The following SCPEP1 variants were observed in gnomAD, a reference collection of about 807,000 sequenced individuals.
SCPEP1 encodes the protein retinoid-inducible serine carboxypeptidase.
A neutral mutation model predicts 63.8 loss-of-function variants in SCPEP1; 51 were observed. The ratio of observed to expected loss-of-function variants is 0.80; its 90% CI spans 0.64 to 1.01. The LOEUF is 1.01. Among genes scored for constraint, SCPEP1 ranks in the 50% least tolerant of loss-of-function variants. The pLI is 0.00. For synonymous variants in SCPEP1, 204 were observed against 207.8 expected, an observed-to-expected ratio of 0.98 and a Z score of 0.16; for missense variants, 499 against 554.9, an observed-to-expected ratio of 0.90 and a Z score of 1.01.
At chr17:56,986,731 G>A (rs1911232223) in intron 3 of SCPEP1, among the ~76,000 whole-genome samples, 1 of 151,660 alleles carries the variant, frequency 6.6e-6, no homozygotes, top group African/African-American at 2.4e-5. Flanking sequence ...ATTTTTAGTA[G>A]AGGTGGGATT....
intron 2 of SCPEP1, among the ~76,000 whole-genome samples, chr17:56,982,228 C>CATTTA (rs1324953367): frequency 6.6e-6 from 1 of 152,118 alleles, no homozygotes; most frequent in African/African-American, 2.4e-5. Context: ...CAGCTGGAAC[C>CATTTA]CTGGGCCCCT....
At chr17:57,001,788 G>A (rs1252249031) in intron 11 of SCPEP1, among the ~76,000 whole-genome samples, 2 of 152,182 alleles carry the variant, frequency 1.3e-5, no homozygotes, top group Non-Finnish European at 2.9e-5. Flanking sequence ...AATCAGTCAG[G>A]CTTTGCAGCT....
chr17:56,980,925 G>A (rs1336619871), intron 1 of SCPEP1, among the ~76,000 whole-genome samples, 157 bp from the exon 2 acceptor site: 1 of 151,880 alleles, frequency 6.6e-6, no homozygotes, highest in Non-Finnish European at 1.5e-5. Flanking sequence ...TTTCATAGCC[G>A]AGGTTTTTTC....
chr17:56,995,426 C>A, intron 7 of SCPEP1, 81 bp from the exon 8 acceptor site: 1 of 1,478,090 alleles, frequency 6.8e-7, no homozygotes, highest in South Asian at 1.3e-5. Context: ...CCCTCTTTCT[C>A]CTACCCCTCC....
At position 56,991,148 on chromosome 17, in the gene SCPEP1, G is replaced by A. The variant is rs2144489577; in HGVS notation, c.596G>A (p.Gly199Asp). The A allele has an allele frequency of 1.2e-6, 2 of 1,613,994 alleles. No homozygotes were observed. Among genetic ancestry groups the A allele is most frequent in the South Asian group, 1.1e-5 (1 of 91,078 alleles). ...IKCNFAGVAL[G>D]DSWISPVDSV... ...TGCAACTTTGCGGGGGTTGCCTTGG[G>A]TGATTCCTGGATCTCCCCTGTTGGT... The change falls in exon 6 of 13, where the codon GGT (glycine) becomes GAT (aspartate). Residue 199 changes from glycine (G) to aspartate (D), a missense_variant. Coordinates refer to ENST00000262288, the MANE Select transcript of SCPEP1 (RefSeq NM_021626.3).
chr17:57,003,276 C>T (rs1267633429), intron 12 of SCPEP1, among the ~76,000 whole-genome samples: 1 of 152,058 alleles, frequency 6.6e-6, no homozygotes, highest in Non-Finnish European at 1.5e-5. Context: ...CTAAGGAGTT[C>T]AGACAGTAGG....
chr17:56,996,614 G>T (rs998299555), intron 8 of SCPEP1, among the ~76,000 whole-genome samples: 2 of 151,950 alleles, frequency 1.3e-5, no homozygotes, highest in African/African-American at 4.8e-5. Context: ...CTGCCTCCTG[G>T]GTTCAAGTGA....
intron 11 of SCPEP1, among the ~76,000 whole-genome samples, chr17:57,001,575 G>A (rs928712807): frequency 1.3e-5 from 2 of 152,204 alleles, no homozygotes; most frequent in Non-Finnish European, 2.9e-5. Flanking sequence ...TGAACCAGAA[G>A]GATTGAATAT....
chr17:56,991,033 A>G, intron 5 of SCPEP1, 66 bp from the exon 6 acceptor site: 1 of 1,193,680 alleles, frequency 8.4e-7, no homozygotes, highest in Non-Finnish European at 1.3e-6. Context: ...AAGCTTCCCA[A>G]AGTGTTGGGA....
At chr17:56,989,313 C>G (rs528967026) in intron 5 of SCPEP1, among the ~76,000 whole-genome samples, 1 of 152,288 alleles carries the variant, frequency 6.6e-6, no homozygotes, top group South Asian at 2.1e-4. Flanking sequence ...TATTAGTAAG[C>G]CAAGTCCATG....
chr17:57,001,937 C>T, intron 11 of SCPEP1, 81 bp from the exon 12 acceptor site: 3 of 1,447,860 alleles, frequency 2.1e-6, no homozygotes, highest in Non-Finnish European at 2.8e-6. Flanking sequence ...GTTTGGGAAG[C>T]ACCAACTTTT....
intron 8 of SCPEP1, 120 bp downstream of exon 8, chr17:56,995,755 A>G (rs934875600): frequency 9.4e-7 from 1 of 1,069,514 alleles, no homozygotes; most frequent in Non-Finnish European, 1.3e-6. Flanking sequence ...TCTGCAAATG[A>G]TTGCATGCTG....
chr17:57,001,164 G>A (rs1244615541), intron 11 of SCPEP1, among the ~76,000 whole-genome samples, 172 bp downstream of exon 11: 1 of 152,174 alleles, frequency 6.6e-6, no homozygotes, highest in Non-Finnish European at 1.5e-5. Context: ...GTGGGGAGCT[G>A]CACGTGGCTG....
intron 12 of SCPEP1, among the ~76,000 whole-genome samples, chr17:57,003,258 A>G (rs1472390194): frequency 6.6e-6 from 1 of 152,130 alleles, no homozygotes; most frequent in African/African-American, 2.4e-5. Context: ...GGGAATTTTC[A>G]TACCACTCTA....
chr17:56,981,612 C>T (rs1162313133), intron 2 of SCPEP1, among the ~76,000 whole-genome samples: 1 of 152,048 alleles, frequency 6.6e-6, no homozygotes, highest in Non-Finnish European at 1.5e-5. Flanking sequence ...GCCAGGAGTT[C>T]GAGACCAGGC....
chr17:56,997,121 TAAA>T, intron 9 of SCPEP1, 66 bp downstream of exon 9: 10 of 726,610 alleles, frequency 1.4e-5, no homozygotes, highest in East Asian at 3.1e-5. Context: ...ACCTGTTTAT[TAAA>T]AAAAAAAAAA....
chr17:56,981,047 C>T, intron 1 of SCPEP1, 35 bp from the exon 2 acceptor site: 1 of 1,612,700 alleles, frequency 6.2e-7, no homozygotes, highest in Non-Finnish European at 8.5e-7. Flanking sequence ...ACATTAGGCA[C>T]TCTTCTGGAG....
intron 12 of SCPEP1, 90 bp from the exon 13 acceptor site, chr17:57,006,083 C>A: frequency 9.4e-7 from 1 of 1,060,896 alleles, no homozygotes; most frequent in Non-Finnish European, 1.4e-6. Flanking sequence ...AGCTGGCTCC[C>A]TTTTGGGAGC....
At chr17:56,982,499 G>T (rs1277521586) in intron 2 of SCPEP1, among the ~76,000 whole-genome samples, 5 of 152,196 alleles carry the variant, frequency 3.3e-5, no homozygotes, top group Non-Finnish European at 7.3e-5. Flanking sequence ...TGCAGAAAAA[G>T]AACCCTTGTA....
Sources: gnomAD v4.1 joint callset for allele counts (sites outside exome capture counted in the v4.1 genomes callset) on GRCh38, gnomAD v4.1.1 for gene constraint, MANE v1.5 for transcripts, NCBI Gene and HGNC (gene_info 2026-07-23, HGNC 2026-07-21) for gene names.